SPAG17: variants seen among roughly 807,000 people sequenced by gnomAD.
SPAG17 encodes the protein sperm-associated antigen 17.
In SPAG17, 169 loss-of-function variants were observed where a neutral mutation model predicts 273.6. The ratio of observed to expected loss-of-function variants is 0.62; its 90% CI spans 0.55 to 0.70. SPAG17 has a LOEUF of 0.70. Ranked by LOEUF, SPAG17 falls within the 30% of genes least tolerant of loss-of-function variation. SPAG17 has a pLI of 0.00. For synonymous variants in SPAG17, 825 were observed against 873.2 expected, an observed-to-expected ratio of 0.94 and a Z score of 0.97; for missense variants, 2,557 against 2,627.8, an observed-to-expected ratio of 0.97 and a Z score of 0.59.
intron 40 of SPAG17, among the ~76,000 whole-genome samples, chr1:117,985,532 A>G (rs927317219): frequency 6.6e-6 from 1 of 152,196 alleles, no homozygotes; most frequent in Non-Finnish European, 1.5e-5. Flanking sequence ...TGGAACAGAT[A>G]AAAAGAAGGA....
chr1:118,075,141 T>C (rs1418036172), intron 15 of SPAG17, among the ~76,000 whole-genome samples: 1 of 152,242 alleles, frequency 6.6e-6, no homozygotes, highest in Non-Finnish European at 1.5e-5. Context: ...TCATTAATCA[T>C]TTATTAACTT....
chr1:118,040,384 A>G (rs559813453), intron 22 of SPAG17, among the ~76,000 whole-genome samples: 29 of 152,306 alleles, frequency 1.9e-4, no homozygotes, highest in Admixed American at 1.2e-3. Flanking sequence ...CACAGAATGC[A>G]CTTGGCTTCT....
intron 39 of SPAG17, 72 bp downstream of exon 39, chr1:117,988,033 C>G: frequency 6.9e-7 from 1 of 1,441,824 alleles, no homozygotes; most frequent in South Asian, 1.3e-5. Context: ...AAAGTTATAG[C>G]ACCTGCATAT....
chr1:117,988,350 G>A, intron 38 of SPAG17, 146 bp from the exon 39 acceptor site: 1 of 484,920 alleles, frequency 2.1e-6, no homozygotes, highest in Non-Finnish European at 3.6e-6. Context: ...TGACCAAGCT[G>A]TAATACAACA....
At chr1:117,960,237 C>G (rs1483871311) in intron 48 of SPAG17, 1 of 151,872 alleles carries the variant, frequency 6.6e-6, no homozygotes. Flanking sequence ...ACGCCCCGCA[C>G]AGTCAAAAAT....
chr1:117,997,038 A>G (rs556676891), intron 32 of SPAG17, among the ~76,000 whole-genome samples: 1 of 152,264 alleles, frequency 6.6e-6, no homozygotes, highest in Admixed American at 6.5e-5. Context: ...GATAGGTTCA[A>G]GAAATTGGGA....
chr1:118,099,824 A>G, intron 5 of SPAG17, 24 bp from the exon 6 acceptor site: 1 of 1,601,872 alleles, frequency 6.2e-7, no homozygotes, highest in Non-Finnish European at 8.5e-7. Context: ...CATAAAGAAG[A>G]GCAGCCATCA....
chr1:118,060,709 TCTGGTGGTGATGAA>T (rs1652191034), intron 18 of SPAG17, among the ~76,000 whole-genome samples: 2 of 152,280 alleles, frequency 1.3e-5, no homozygotes, highest in South Asian at 2.1e-4. Context: ...GAAGGGCAGG[TCTGGTGGTGATGAA>T]CTCCCTCAGC....
At chr1:118,020,034 T>G (rs1195127674) in intron 28 of SPAG17, among the ~76,000 whole-genome samples, 1 of 152,136 alleles carries the variant, frequency 6.6e-6, no homozygotes, top group East Asian at 1.9e-4. Context: ...AGGTGAAATA[T>G]AAGTGTGGAA....
intron 1 of SPAG17, among the ~76,000 whole-genome samples, chr1:118,182,831 C>T (rs769664024): frequency 6.6e-6 from 1 of 152,184 alleles, no homozygotes. Context: ...CTGACTATCC[C>T]AGCCCATATT....
In SPAG17 at chr1:118,181,998, A is replaced by G. The variant is rs115640388; in HGVS notation, c.87+3073T>C. On this transcript the variant is annotated intron_variant, in intron 1 of 48. Coordinates refer to ENST00000336338, the MANE Select transcript of SPAG17 (RefSeq NM_206996.4). Reference sequence around the variant, plus strand: ...TATGATCCAGCAATTCTACTTCTGTACACATACCCAAATGATTTTAAAGCA... The same window carrying G: ...TATGATCCAGCAATTCTACTTCTGTGCACATACCCAAATGATTTTAAAGCA... Among the ~76,000 whole-genome samples, 492 of 152,312 alleles carry G rather than the reference A, an allele frequency of 3.2e-3. 1 individual carries two copies. Among genetic ancestry groups the G allele is most frequent in the African/African-American group, 0.011 (473 of 41,568 alleles).
intron 45 of SPAG17, 190 bp downstream of exon 45, chr1:117,971,673 C>T (rs1571102534): frequency 6.6e-6 from 3 of 452,512 alleles, no homozygotes; most frequent in Admixed American, 4.1e-5. Context: ...AATTGGAACC[C>T]GATAAACACT....
At chr1:117,987,192 T>G (rs1571155218) in intron 40 of SPAG17, among the ~76,000 whole-genome samples, 2 of 152,280 alleles carry the variant, frequency 1.3e-5, no homozygotes, top group East Asian at 3.9e-4. Flanking sequence ...CTATCCTCCC[T>G]GCAGACAGTA....
chr1:117,974,374 T>G (rs1369346458), intron 43 of SPAG17, among the ~76,000 whole-genome samples: 1 of 152,224 alleles, frequency 6.6e-6, no homozygotes. Flanking sequence ...TAGCATCTTT[T>G]TTTTAATAAA....
In SPAG17 at chr1:118,150,583, G is replaced by A. The variant is rs1326227503; in HGVS notation, c.275C>T (p.Ala92Val). The change falls in exon 3 of 49, where the codon GCA (alanine) becomes GTA (valine). Residue 92 changes from alanine (A) to valine (V), a missense_variant. Transcript: ENST00000336338. Reference sequence around the variant, plus strand: ...AGCATTACCACCTACAGGTTTTTTTGCCTTTTTAGATGAAGCAGATCCAAC... The same window carrying A: ...AGCATTACCACCTACAGGTTTTTTTACCTTTTTAGATGAAGCAGATCCAAC... ...TLVGSASSKKAKKPVGGNAPL... is the reference protein window; with the variant it reads ...TLVGSASSKKVKKPVGGNAPL... 1 of 1,576,112 alleles carries A rather than the reference G, an allele frequency of 6.3e-7. No homozygotes were observed. The highest frequency in any genetic ancestry group is 2.3e-5 in the East Asian group (1 of 43,856).
chr1:118,066,706 C>T, intron 18 of SPAG17, 39 bp downstream of exon 18: 1 of 1,575,646 alleles, frequency 6.3e-7, no homozygotes, highest in Non-Finnish European at 8.6e-7. Flanking sequence ...GCTAACTAAA[C>T]CCAACTAACT....
intron 15 of SPAG17, among the ~76,000 whole-genome samples, chr1:118,075,396 A>G (rs1197647068): frequency 6.6e-6 from 1 of 152,222 alleles, no homozygotes; most frequent in Middle Eastern, 3.2e-3. Flanking sequence ...GAACACATTC[A>G]TATTGTTGAT....
intron 3 of SPAG17, among the ~76,000 whole-genome samples, chr1:118,116,593 C>T (rs909466104): frequency 3.3e-5 from 5 of 152,206 alleles, no homozygotes; most frequent in Non-Finnish European, 7.4e-5. Flanking sequence ...CTTGTTACTT[C>T]GCCAAGGGAA....
intron 3 of SPAG17, among the ~76,000 whole-genome samples, chr1:118,132,587 T>C (rs147567765): frequency 1.7e-3 from 255 of 152,346 alleles, no homozygotes; most frequent in African/African-American, 5.8e-3. Context: ...CCCCTCTAGC[T>C]TTGTGTAATG....
Sources: allele counts gnomAD v4.1 joint callset (sites outside exome capture counted in the v4.1 genomes callset), GRCh38; gene constraint gnomAD v4.1.1; transcripts MANE v1.5; gene names NCBI Gene and HGNC (gene_info 2026-07-23, HGNC 2026-07-21).